SGK1: variants seen among roughly 807,000 people sequenced by gnomAD.
SGK1 encodes serum/glucocorticoid regulated kinase 1.
In SGK1, 26 loss-of-function variants were observed where a neutral mutation model predicts 64.2. The observed-to-expected ratio is 0.40, with a 90% CI of 0.30 to 0.56. The LOEUF (loss-of-function observed/expected upper bound fraction) is 0.56. Ranked by LOEUF, SGK1 falls within the 20% of genes least tolerant of loss-of-function variation. SGK1 has a pLI of 0.38. For missense variants in SGK1, 519 were observed against 645.6 expected, an observed-to-expected ratio of 0.80 and a Z score of 2.12; for synonymous variants, 265 against 239.7, an observed-to-expected ratio of 1.11 and a Z score of -0.98.
chr6:134,221,702 G>T (rs1776092970), intron 2 of SGK1, among the ~76,000 whole-genome samples: 1 of 151,946 alleles, frequency 6.6e-6, no homozygotes, highest in East Asian at 1.9e-4. Flanking sequence ...GCCTAGGCTG[G>T]AGTGCAGAGG....
intron 1 of SGK1, among the ~76,000 whole-genome samples, chr6:134,293,302 G>T (rs1256450063): frequency 6.6e-6 from 1 of 152,204 alleles, no homozygotes; most frequent in Non-Finnish European, 1.5e-5. Flanking sequence ...AAGAGGCTTT[G>T]CTGGTCAATG....
rs565112916 is a variant in SGK1, at chr6:134,192,377, G to A, written c.361+14979C>T. 3.9e-5 allele frequency among the ~76,000 whole-genome samples: 6 copies of A among 152,298 alleles called. No homozygotes were observed. The South Asian group carries it at 1.0e-3, about 26-fold the overall frequency. The stretch of plus-strand genomic sequence containing the variant: ...ACTGACATCTACTTTAACGACTCCA[G>A]CCCAGCCTGAGCTAATCTTTTCCTA... On this transcript the variant is annotated intron_variant, in intron 3 of 13. Coordinates refer to ENST00000367858, the MANE Select transcript of SGK1 (RefSeq NM_001143676.3).
intron 3 of SGK1, among the ~76,000 whole-genome samples, chr6:134,195,418 C>A (rs1213057445): frequency 6.6e-6 from 1 of 152,186 alleles, no homozygotes; most frequent in Non-Finnish European, 1.5e-5. Context: ...AGGGGCCTCT[C>A]TGTGTTGAGC....
chr6:134,171,857 C>T lies in SGK1; in HGVS notation c.1072-125G>A, dbSNP rs535762267. ...CTTGGAAGATAGATATCTTTAGATT[C>T]CTTCCTGATAAAACTGCTGGACTTT... On this transcript the variant is annotated intron_variant, in intron 10 of 13. Coordinates refer to ENST00000367858, the MANE Select transcript of SGK1 (RefSeq NM_001143676.3). 4 of 672,884 alleles carry T rather than the reference C, an allele frequency of 5.9e-6. No homozygotes were observed. In the South Asian group the frequency reaches 7.5e-5, roughly 13 times the overall value. The allele number at this position is 672,884 out of a possible 1,614,324, so 41.7% of individuals were successfully genotyped here. A position where few individuals can be genotyped will look rare whatever the true frequency, so the allele number is the denominator to read the frequency against.
chr6:134,191,570 T>G (rs1332132377), intron 3 of SGK1, among the ~76,000 whole-genome samples: 1 of 152,178 alleles, frequency 6.6e-6, no homozygotes, highest in African/African-American at 2.4e-5. Flanking sequence ...CTCTTTAAGT[T>G]CCACAGTTAA....
At chr6:134,216,765 G>A (rs1775992855) in intron 2 of SGK1, among the ~76,000 whole-genome samples, 1 of 152,216 alleles carries the variant, frequency 6.6e-6, no homozygotes, top group Admixed American at 6.5e-5. Flanking sequence ...GGGCAAAGTT[G>A]TTGAGCAAGG....
chr6:134,288,698 G>A (rs950694323), intron 1 of SGK1, among the ~76,000 whole-genome samples: 2 of 113,690 alleles, frequency 1.8e-5, no homozygotes, highest in Non-Finnish European at 3.5e-5. Flanking sequence ...GGCGGTATTC[G>A]GAAGTTCTAA....
intron 3 of SGK1, among the ~76,000 whole-genome samples, chr6:134,182,177 C>T (rs2114654823): frequency 6.6e-6 from 1 of 152,220 alleles, no homozygotes. Flanking sequence ...AGATTTTAGA[C>T]AAGGTATTCT....
intron 1 of SGK1, among the ~76,000 whole-genome samples, chr6:134,314,058 A>G (rs1031969498): frequency 1.3e-5 from 2 of 152,228 alleles, no homozygotes; most frequent in African/African-American, 2.4e-5. Context: ...TATCATGAAC[A>G]CTTAAAGAAT....
intron 10 of SGK1, chr6:134,171,940 T>A: frequency 1.6e-6 from 1 of 621,410 alleles, no homozygotes; most frequent in Non-Finnish European, 2.8e-6. Flanking sequence ...GGGCACTTGA[T>A]ATCTCTTACT....
chr6:134,191,738 G>A (rs1301824149), intron 3 of SGK1, among the ~76,000 whole-genome samples: 11 of 150,462 alleles, frequency 7.3e-5, no homozygotes, highest in Admixed American at 1.3e-4. Context: ...GCGTGATCTC[G>A]GCTCACTGCA....
chr6:134,204,636 C>T (rs1775739667), intron 3 of SGK1, among the ~76,000 whole-genome samples: 2 of 151,298 alleles, frequency 1.3e-5, no homozygotes, highest in African/African-American at 4.9e-5. Context: ...TTACTGCAAC[C>T]TCTGCTTCCT....
intron 3 of SGK1, among the ~76,000 whole-genome samples, chr6:134,190,728 A>G (rs765000018): frequency 6.6e-6 from 1 of 152,198 alleles, no homozygotes; most frequent in Non-Finnish European, 1.5e-5. Flanking sequence ...CAGGACTGCT[A>G]TTCCTTTTCT....
chr6:134,224,720 G>A (rs1034070713), intron 2 of SGK1, among the ~76,000 whole-genome samples: 6 of 151,984 alleles, frequency 3.9e-5, no homozygotes, highest in African/African-American at 1.2e-4. Flanking sequence ...TCCAGGTCTA[G>A]CCTTAGAAAT....
At position 134,245,069 on chromosome 6, in the gene SGK1, C is replaced by A. The variant is rs540350058; in HGVS notation, c.285+16864G>T. Among the ~76,000 whole-genome samples, 21 of 152,344 alleles carry A rather than the reference C, an allele frequency of 1.4e-4. No homozygotes were observed. In the South Asian group the frequency reaches 4.4e-3, roughly 32 times the overall value. ...GGGATTACAGGCGTGAGCCACCATG[C>A]CCTGCCTTAAACAATAGTTTTAAAA... is the stretch of plus-strand genomic sequence containing the variant. On this transcript the variant is annotated intron_variant, in intron 2 of 13. Coordinates refer to ENST00000367858, the MANE Select transcript of SGK1 (RefSeq NM_001143676.3).
Position 134,170,453 on chromosome 6 carries a change from A to T in SGK1, c.1414-18T>A. 6.2e-7 allele frequency: 1 copy of T among 1,602,994 alleles called. No homozygotes were observed. The highest frequency in any genetic ancestry group is 8.5e-7 in the Non-Finnish European group (1 of 1,172,108). ...GGCCCACTCTGTGACGGGAAGGGAA[A>T]AACACTCTTGTCAAGAACTCACACT... On this transcript the variant is annotated intron_variant, in intron 13 of 13. Transcript: ENST00000367858.
intron 1 of SGK1, among the ~76,000 whole-genome samples, chr6:134,309,512 A>G (rs1225532472): frequency 6.6e-6 from 1 of 152,210 alleles, no homozygotes; most frequent in Admixed American, 6.5e-5. Flanking sequence ...GGACCAGGGT[A>G]GGTCACTGCT....
chr6:134,195,441 A>G (rs1219628060), intron 3 of SGK1, among the ~76,000 whole-genome samples: 1 of 152,210 alleles, frequency 6.6e-6, no homozygotes, highest in Non-Finnish European at 1.5e-5. Context: ...AACTGAGCCT[A>G]TAGTCACACA....
chr6:134,268,617 G>A lies in SGK1; in HGVS notation c.70-6469C>T, dbSNP rs553881623. On this transcript the variant is annotated intron_variant, in intron 1 of 13. Transcript: ENST00000367858. ...GGGTGCCTGTAGTCCCAGCTACTCG[G>A]GAGGCTGAGGCAGGAGAATGGCGTG... 4.2e-4 allele frequency among the ~76,000 whole-genome samples: 61 copies of A among 145,240 alleles called. 3 individuals are homozygous for A. The South Asian group carries it at 0.014, about 33-fold the overall frequency.
Sources: gnomAD v4.1 joint callset for allele counts (sites outside exome capture counted in the v4.1 genomes callset) on GRCh38, gnomAD v4.1.1 for gene constraint, MANE v1.5 for transcripts, NCBI Gene and HGNC (gene_info 2026-07-23, HGNC 2026-07-21) for gene names.